The following FAM89A variants were observed in gnomAD, a reference collection of about 807,000 sequenced individuals.
The protein encoded by FAM89A is family with sequence similarity 89 member A, also known as protein FAM89A.
FAM89A carries 10 observed loss-of-function variants against 7.1 expected under a neutral mutation model. That is an observed-to-expected ratio of 1.40 (90% CI 0.86 to 2.38). FAM89A has a LOEUF of 2.38. Ranked by LOEUF, FAM89A falls within the 30% of genes most tolerant of loss-of-function variation. The probability of loss-of-function intolerance (pLI) is 0.00; values close to 1 mark genes in which losing one functional copy is unlikely to be tolerated. For missense variants in FAM89A, 276 were observed against 262.8 expected (o/e 1.05, Z -0.35); for synonymous variants, 157 against 129.3 (o/e 1.21, Z -1.45).
In FAM89A at chr1:231,040,139, G is replaced by A. The variant is rs771903868; in HGVS notation, c.73C>T (p.Pro25Ser). The A allele has an allele frequency of 6.7e-6, 9 of 1,341,566 alleles. No homozygotes were observed. In the Admixed American group the frequency reaches 1.1e-4, roughly 16 times the overall value. The allele number at this position is 1,341,566 out of a possible 1,614,324, so 83.1% of individuals were successfully genotyped here. ...CCGCTCAAGCTCTTTGGCAGCGGGG[G>A]CAGCCCGTCCACCCGCAGCCCCCGG... ...AVRGLRVDGLPPLPKSLSGLL... is the reference protein window; with the variant it reads ...AVRGLRVDGLSPLPKSLSGLL... The change falls in exon 1 of 2, where the codon CCC becomes TCC. Residue 25 changes from proline to serine, a missense_variant. Physicochemically the swap from Pro to Ser is moderately conservative, Grantham distance 74 (BLOSUM62 -1). Coordinates refer to ENST00000366654, the MANE Select transcript of FAM89A (RefSeq NM_198552.3).
rs573417219 is a variant in FAM89A, at chr1:231,033,951, AAACT to A, written c.291+5966_291+5969del. Among the ~76,000 whole-genome samples, 25 of 152,252 alleles carry A rather than the reference AAACT, an allele frequency of 1.6e-4. No homozygotes were observed. In the East Asian group the frequency reaches 3.5e-3, roughly 21 times the overall value. On this transcript the variant is annotated intron_variant, in intron 1 of 1. Transcript: ENST00000366654. ...GACATGGGCATGCTTTCATACACACAAACTAATATATATTCTTTTTTCAGTTTTT... is the reference window on the plus strand; with the variant it reads ...GACATGGGCATGCTTTCATACACACAAATATATATTCTTTTTTCAGTTTTT...
At position 231,031,725 on chromosome 1, in the gene FAM89A, T is replaced by A. The variant is rs2103074829; in HGVS notation, c.291+8196A>T. On this transcript the variant is annotated intron_variant, in intron 1 of 1. Coordinates refer to ENST00000366654, the MANE Select transcript of FAM89A (RefSeq NM_198552.3). ...ACTCATATTGTTTTTTCTCTACTGT[T>A]ACCACATACACAAAGTTAGGTAAGT... 1.3e-5 allele frequency among the ~76,000 whole-genome samples: 2 copies of A among 152,336 alleles called. 1 individual carries two copies. Among genetic ancestry groups the A allele is most frequent in the South Asian group, 4.1e-4 (2 of 4,832 alleles).
At chr1:231,022,077 A>C (rs1413634025) in intron 1 of FAM89A, 4 of 1,408,360 alleles carry the variant, frequency 2.8e-6, no homozygotes, top group African/African-American at 1.4e-5. Context: ...GAATGTGGCC[A>C]TGTCTTCTGT....
intron 1 of FAM89A, among the ~76,000 whole-genome samples, chr1:231,027,807 G>A (rs963307548): frequency 2.0e-5 from 3 of 152,086 alleles, no homozygotes; most frequent in South Asian, 2.1e-4. Context: ...AATGCTCCTC[G>A]ACCACCCGCC....
At chr1:231,035,421 C>A (rs1412086146) in intron 1 of FAM89A, among the ~76,000 whole-genome samples, 1 of 152,164 alleles carries the variant, frequency 6.6e-6, no homozygotes, top group Admixed American at 6.5e-5. Context: ...AGCTACTAGA[C>A]CTTGCTGCTG....
At chr1:231,029,366 C>T (rs941843391) in intron 1 of FAM89A, among the ~76,000 whole-genome samples, 1 of 152,022 alleles carries the variant, frequency 6.6e-6, no homozygotes, top group African/African-American at 2.4e-5. Context: ...GTGGTACGTG[C>T]CTGTGGTCCC....
At chr1:231,023,770 T>A (rs1212802749) in intron 1 of FAM89A, among the ~76,000 whole-genome samples, 1 of 152,210 alleles carries the variant, frequency 6.6e-6, no homozygotes, top group Admixed American at 6.5e-5. Context: ...GCTCCCATCA[T>A]TGTGATGTGT....
chr1:231,035,672 G>A (rs1680147632), intron 1 of FAM89A, among the ~76,000 whole-genome samples: 1 of 152,170 alleles, frequency 6.6e-6, no homozygotes, highest in Admixed American at 6.6e-5. Context: ...TCAACCACAT[G>A]CAAATATTTT....
chr1:231,038,857 A>G (rs1324137211), intron 1 of FAM89A, among the ~76,000 whole-genome samples: 1 of 152,248 alleles, frequency 6.6e-6, no homozygotes, highest in Non-Finnish European at 1.5e-5. Flanking sequence ...AAAGATTCCT[A>G]TAACAATTTA....
At position 231,019,992 on chromosome 1, in the gene FAM89A, G is replaced by A. The variant is rs199829067; in HGVS notation, c.426C>T (p.Phe142=). The part of the protein sequence containing the change: ...DCTYALENGF[F]DEEEEYFQEQ... ...CCTGGAAATATTCCTCCTCTTCATCGAAGAAGCCGTTCTCCAGAGCGTAAG... is the reference window on the plus strand; with the variant it reads ...CCTGGAAATATTCCTCCTCTTCATCAAAGAAGCCGTTCTCCAGAGCGTAAG... Residue 142 remains phenylalanine, a synonymous_variant, in exon 2 of 2, where the codon TTC becomes TTT. Transcript: ENST00000366654. The A allele has an allele frequency of 2.8e-5, 45 of 1,613,942 alleles. No individual in the cohort carries two copies. Among genetic ancestry groups the A allele is most frequent in the Non-Finnish European group, 3.2e-5 (38 of 1,180,018 alleles).
chr1:231,040,251 A>C lies in FAM89A; in HGVS notation c.-40T>G. ...GCCACGCGCCTGCCCCGCTGCAGCG[A>C]ACCAAGGCTTTCCCCCGGCCCGCCC... On this transcript the variant is annotated 5_prime_UTR_variant, in exon 1 of 2. Coordinates refer to ENST00000366654, the MANE Select transcript of FAM89A (RefSeq NM_198552.3). 1 of 1,023,440 alleles carries C rather than the reference A, an allele frequency of 9.8e-7. No individual in the cohort carries two copies. Among genetic ancestry groups the C allele is most frequent in the Non-Finnish European group, 1.2e-6 (1 of 856,438 alleles). The allele number at this position is 1,023,440 out of a possible 1,614,324, so 63.4% of individuals were successfully genotyped here. A position where few individuals can be genotyped will look rare whatever the true frequency, so the allele number is the denominator to read the frequency against.
At chr1:231,032,356 A>ACACCGCCC in intron 1 of FAM89A, among the ~76,000 whole-genome samples, 1 of 148,058 alleles carries the variant, frequency 6.8e-6, no homozygotes, top group Admixed American at 6.7e-5. Flanking sequence ...GCAGCACTTT[A>ACACCGCCC]CACCGCCCCA....
rs1326972594 is a variant in FAM89A, at chr1:231,022,157, A to C, written c.292-2031T>G. Reference sequence around the variant, plus strand: ...AACTTGTAGGAAAAAGATCAACCACAAACAGTACCACTCCATTCATATATG... The same window carrying C: ...AACTTGTAGGAAAAAGATCAACCACCAACAGTACCACTCCATTCATATATG... On this transcript the variant is annotated intron_variant, in intron 1 of 1. Transcript: ENST00000366654. 11 of 1,105,452 alleles carry C rather than the reference A, an allele frequency of 1.0e-5. No homozygotes were observed. The Admixed American group carries it at 1.9e-4, about 19-fold the overall frequency. The allele number at this position is 1,105,452 out of a possible 1,614,324, so 68.5% of individuals were successfully genotyped here.
Position 231,039,942 on chromosome 1 carries a change from CAG to C in FAM89A, c.268_269del (p.Leu90GlyfsTer54). 7.4e-7 allele frequency: 1 copy of C among 1,354,082 alleles called. No individual in the cohort carries two copies. The highest frequency in any genetic ancestry group is 9.4e-7 in the Non-Finnish European group (1 of 1,060,968). 83.9% of individuals were successfully genotyped at this position (1,354,082 alleles called of 1,614,324 possible). A position where few individuals can be genotyped will look rare whatever the true frequency, so the allele number is the denominator to read the frequency against. ...TCACCATCTCTTTGCGGAGCAGCGC[CAG>C]AGCGGCGTCCAGGTTGGGAGGCTTG... ...PAKPPNLDAA[L>X]ALLRKEMVGL... On this transcript the variant is annotated frameshift_variant, in exon 1 of 2. Coordinates refer to ENST00000366654, the MANE Select transcript of FAM89A (RefSeq NM_198552.3). LOFTEE classifies it high-confidence loss of function.
chr1:231,019,756 C>G lies in FAM89A; in HGVS notation c.*107G>C, dbSNP rs1013488756. ...ACTGGTAGCGCTCATCCCCTGTGCC[C>G]GAGGACCGTCCACAACGGAGGTGCT... On this transcript the variant is annotated 3_prime_UTR_variant, in exon 2 of 2. Transcript: ENST00000366654. 4 of 1,303,300 alleles carry G rather than the reference C, an allele frequency of 3.1e-6. No individual in the cohort carries two copies. In the African/African-American group the frequency reaches 4.4e-5, roughly 14 times the overall value. The allele number at this position is 1,303,300 out of a possible 1,614,324, so 80.7% of individuals were successfully genotyped here.
At chr1:231,021,647 T>C in intron 1 of FAM89A, 6 of 1,556,426 alleles carry the variant, frequency 3.9e-6, no homozygotes, top group Non-Finnish European at 5.3e-6. Context: ...AGCAATAAAT[T>C]CTAGACAAGC....
chr1:231,027,902 G>A (rs1558255488), intron 1 of FAM89A, among the ~76,000 whole-genome samples: 1 of 152,202 alleles, frequency 6.6e-6, no homozygotes, highest in African/African-American at 2.4e-5. Context: ...ACCTGTCTTA[G>A]GACATTTACT....
At chr1:231,031,200 T>G (rs1680063090) in intron 1 of FAM89A, among the ~76,000 whole-genome samples, 1 of 152,238 alleles carries the variant, frequency 6.6e-6, no homozygotes, top group African/African-American at 2.4e-5. Flanking sequence ...CTTATCTGGT[T>G]CTGCATTTGG....
intron 1 of FAM89A, among the ~76,000 whole-genome samples, chr1:231,023,980 C>T (rs1419627884): frequency 6.6e-6 from 1 of 152,158 alleles, no homozygotes; most frequent in Non-Finnish European, 1.5e-5. Context: ...TTGTGTACTT[C>T]GTCCTAAATT....
Sources: gnomAD v4.1 joint callset for allele counts (sites outside exome capture counted in the v4.1 genomes callset) on GRCh38, gnomAD v4.1.1 for gene constraint, MANE v1.5 for transcripts, NCBI Gene and HGNC (gene_info 2026-07-23, HGNC 2026-07-21) for gene names.